The following SNTN variants were observed in gnomAD, a reference collection of about 807,000 sequenced individuals.
SNTN encodes sentan.
Under a neutral mutation model 12.3 loss-of-function variants are expected in SNTN, and 13 were observed. The ratio of observed to expected loss-of-function variants is 1.05; its 90% CI spans 0.69 to 1.67. The LOEUF is 1.67. SNTN is among the 40% of genes most tolerant of loss of function. The probability of loss-of-function intolerance (pLI) is 0.00; values close to 1 mark genes in which losing one functional copy is unlikely to be tolerated. For missense variants in SNTN, 189 were observed against 169.8 expected (o/e 1.11, Z -0.63); for synonymous variants, 69 against 58.5 (o/e 1.18, Z -0.82).
At chr3:63,657,269 G>C (rs1230041135) in intron 2 of SNTN, among the ~76,000 whole-genome samples, 1 of 152,154 alleles carries the variant, frequency 6.6e-6, no homozygotes, top group Non-Finnish European at 1.5e-5. Context: ...AAATCGGCCT[G>C]GCTTAATGTC....
At chr3:63,652,853 T>C in intron 1 of SNTN, 56 bp downstream of exon 1, 1 of 1,532,718 alleles carries the variant, frequency 6.5e-7, no homozygotes, top group South Asian at 1.1e-5. Context: ...CAGATATATT[T>C]CCAAAGAGTT....
Position 63,663,952 on chromosome 3 carries a change from C to T in SNTN, c.301C>T (p.Pro101Ser). 2 of 1,611,668 alleles carry T rather than the reference C, an allele frequency of 1.2e-6. No individual in the cohort carries two copies. Among genetic ancestry groups the T allele is most frequent in the Non-Finnish European group, 1.7e-6 (2 of 1,179,434 alleles). Residue 101 changes from proline to serine, a missense_variant, in exon 4 of 4, where the codon CCA becomes TCA. Pro to Ser is a moderately conservative substitution (Grantham distance 74). Coordinates refer to ENST00000343837, the MANE Select transcript of SNTN (RefSeq NM_001080537.2). ...RNFAEGQETKPKYREILSELD... is the reference protein window; with the variant it reads ...RNFAEGQETKSKYREILSELD... ...ATTCTCACAGGGACAAGAAACCAAG[C>T]CAAAATACAGAGAGATCCTTTCTGA...
rs554356643 is a variant in SNTN, at chr3:63,665,143, C to G, written c.*1048C>G. Among the ~76,000 whole-genome samples, 1 of 152,260 alleles carries G rather than the reference C, an allele frequency of 6.6e-6. No homozygotes were observed. The highest frequency in any genetic ancestry group is 2.1e-4 in the South Asian group (1 of 4,824). On this transcript the variant is annotated 3_prime_UTR_variant, in exon 4 of 4. Coordinates refer to ENST00000343837, the MANE Select transcript of SNTN (RefSeq NM_001080537.2). ...GCATGCATTTGTCAAACTCATAGAA[C>G]TGCACACTGAAAAGAGTGAATTGTA...
intron 2 of SNTN, among the ~76,000 whole-genome samples, chr3:63,659,326 T>C (rs1055966846): frequency 6.6e-6 from 1 of 152,180 alleles, no homozygotes; most frequent in Non-Finnish European, 1.5e-5. Flanking sequence ...GAATATAAAT[T>C]CCACAAGAGT....
intron 3 of SNTN, chr3:63,663,726 G>A: frequency 1.5e-6 from 1 of 677,898 alleles, no homozygotes; most frequent in Non-Finnish European, 2.7e-6. Flanking sequence ...ATGAGTGGAA[G>A]CAGCCTGAGG....
intron 2 of SNTN, among the ~76,000 whole-genome samples, chr3:63,655,910 G>A (rs1293601441): frequency 1.3e-5 from 2 of 152,182 alleles, no homozygotes; most frequent in Non-Finnish European, 2.9e-5. Context: ...GGAATGCAGG[G>A]TGAGTATATA....
intron 3 of SNTN, 133 bp from the exon 4 acceptor site, chr3:63,663,804 T>C (rs1311934919): frequency 4.9e-6 from 6 of 1,224,260 alleles, no homozygotes; most frequent in Non-Finnish European, 7.1e-6. Flanking sequence ...AAATTTTTCT[T>C]TTTTCTTTAT....
intron 1 of SNTN, among the ~76,000 whole-genome samples, chr3:63,653,556 CA>C (rs564484918): frequency 5.3e-5 from 8 of 152,080 alleles, no homozygotes; most frequent in Non-Finnish European, 1.0e-4. Flanking sequence ...TAGTTAATGC[CA>C]AAACCAGATC....
intron 3 of SNTN, among the ~76,000 whole-genome samples, chr3:63,661,185 A>G (rs961045814): frequency 3.9e-5 from 6 of 152,202 alleles, no homozygotes; most frequent in Non-Finnish European, 7.3e-5. Flanking sequence ...ATTACATTCT[A>G]TCGGCAGTAT....
intron 2 of SNTN, 147 bp downstream of exon 2, chr3:63,654,943 T>C: frequency 1.4e-6 from 1 of 737,024 alleles, no homozygotes; most frequent in Non-Finnish European, 2.3e-6. Flanking sequence ...ATGTTCTTTT[T>C]AAAGATGTGG....
intron 3 of SNTN, among the ~76,000 whole-genome samples, chr3:63,661,644 A>C (rs1193877884): frequency 6.6e-6 from 1 of 151,090 alleles, no homozygotes; most frequent in Non-Finnish European, 1.5e-5. Context: ...TATATTAAAC[A>C]TGTATTTTTC....
chr3:63,659,145 G>C (rs986031999), intron 2 of SNTN, among the ~76,000 whole-genome samples: 4 of 152,186 alleles, frequency 2.6e-5, no homozygotes, highest in African/African-American at 9.7e-5. Context: ...GGAAAGAAAC[G>C]AATTAGCATT....
chr3:63,664,215 T>A lies in SNTN; in HGVS notation c.*120T>A. The A allele has an allele frequency of 1.1e-6, 1 of 949,916 alleles. No individual in the cohort carries two copies. Among genetic ancestry groups the A allele is most frequent in the South Asian group, 1.8e-5 (1 of 54,614 alleles). 58.8% of individuals were successfully genotyped at this position (949,916 alleles called of 1,614,324 possible). A position where few individuals can be genotyped will look rare whatever the true frequency, so the allele number is the denominator to read the frequency against. Reference sequence around the variant, plus strand: ...CATCTGAAATTGCCTAGGATGGTTCTGATTGCTGGTATTCAGATCCAATGT... The same window carrying A: ...CATCTGAAATTGCCTAGGATGGTTCAGATTGCTGGTATTCAGATCCAATGT... On this transcript the variant is annotated 3_prime_UTR_variant, in exon 4 of 4. Transcript: ENST00000343837.
At chr3:63,661,558 G>A (rs1298000888) in intron 3 of SNTN, among the ~76,000 whole-genome samples, 1 of 152,030 alleles carries the variant, frequency 6.6e-6, no homozygotes, top group Non-Finnish European at 1.5e-5. Flanking sequence ...TGTTAATAAG[G>A]GTTAGCTATT....
intron 1 of SNTN, among the ~76,000 whole-genome samples, chr3:63,653,914 C>T (rs533051461): frequency 1.3e-5 from 2 of 152,312 alleles, no homozygotes; most frequent in African/African-American, 2.4e-5. Context: ...CTAGGTGCCA[C>T]CCACACTATA....
chr3:63,653,200 A>G (rs369428396), intron 1 of SNTN, among the ~76,000 whole-genome samples: 1 of 152,190 alleles, frequency 6.6e-6, no homozygotes, highest in African/African-American at 2.4e-5. Context: ...CTTTAGTTTC[A>G]AAAACCTTTT....
At chr3:63,653,947 A>G (rs1359618124) in intron 1 of SNTN, among the ~76,000 whole-genome samples, 1 of 152,136 alleles carries the variant, frequency 6.6e-6, no homozygotes. Context: ...CTTCAATCAT[A>G]TGGTGATTTC....
At chr3:63,652,860 A>T in intron 1 of SNTN, 63 bp downstream of exon 1, 3 of 1,492,938 alleles carry the variant, frequency 2.0e-6, no homozygotes, top group Non-Finnish European at 2.8e-6. Flanking sequence ...ATTTCCAAAG[A>T]GTTTATGTCA....
intron 3 of SNTN, among the ~76,000 whole-genome samples, chr3:63,663,153 G>T (rs146483882): frequency 6.6e-6 from 1 of 152,234 alleles, no homozygotes; most frequent in Non-Finnish European, 1.5e-5. Context: ...TAATATGTGT[G>T]TTCAAAAAAA....
Sources: gnomAD v4.1 joint callset for allele counts (sites outside exome capture counted in the v4.1 genomes callset) on GRCh38, gnomAD v4.1.1 for gene constraint, MANE v1.5 for transcripts, NCBI Gene and HGNC (gene_info 2026-07-23, HGNC 2026-07-21) for gene names.